Variants in IFT43 observed in about 807,000 individuals in gnomAD.
IFT43 encodes the protein intraflagellar transport 43.
IFT43 carries 33 observed loss-of-function variants against 32.3 expected under a neutral mutation model. The ratio of observed to expected loss-of-function variants is 1.02; its 90% CI spans 0.77 to 1.37. The LOEUF is 1.37. IFT43 is among the 40% of genes most tolerant of loss of function. The pLI, the probability that IFT43 is intolerant of heterozygous loss-of-function variation, is 0.00. For synonymous variants in IFT43, 93 were observed against 98.2 expected (o/e 0.95, Z 0.31); for missense variants, 274 against 265.9 (o/e 1.03, Z -0.21).
intron 3 of IFT43, among the ~76,000 whole-genome samples, chr14:76,056,694 C>A (rs938497680): frequency 2.8e-4 from 43 of 152,138 alleles, no homozygotes; most frequent in African/African-American, 1.0e-3. Flanking sequence ...GCACATCTAC[C>A]CTTGGTGACA....
intron 5 of IFT43, among the ~76,000 whole-genome samples, chr14:76,072,783 T>TGC (rs2037344688): frequency 6.6e-6 from 1 of 152,152 alleles, no homozygotes; most frequent in African/African-American, 2.4e-5. Flanking sequence ...AGATCAGGGT[T>TGC]TGTATGCTGT....
chr14:75,999,265 ATATATATGTATATATATT>A (rs1163656258), intron 2 of IFT43, among the ~76,000 whole-genome samples: 52 of 23,726 alleles, frequency 2.2e-3, no homozygotes, highest in African/African-American at 8.3e-3. Context: ...ATATATATAT[ATATATATGTATATATATT>A]TTTTTTTTTT....
intron 5 of IFT43, among the ~76,000 whole-genome samples, chr14:76,074,572 C>T (rs1380792496): frequency 2.6e-5 from 4 of 152,222 alleles, no homozygotes; most frequent in African/African-American, 7.2e-5. Flanking sequence ...CTCAGGCCTG[C>T]AAGGCTGAGT....
intron 2 of IFT43, among the ~76,000 whole-genome samples, chr14:76,001,931 C>T (rs2035893863): frequency 6.6e-6 from 1 of 152,202 alleles, no homozygotes; most frequent in Admixed American, 6.5e-5. Context: ...CAGAAGCTCT[C>T]ATGGCTTAAC....
At chr14:75,994,151 TA>T (rs746274501) in intron 2 of IFT43, among the ~76,000 whole-genome samples, 94 of 151,776 alleles carry the variant, frequency 6.2e-4, no homozygotes, top group African/African-American at 1.2e-3. Context: ...TATTTTAGCT[TA>T]AAAAAAATGT....
chr14:76,051,226 A>G (rs1229622596), intron 3 of IFT43, among the ~76,000 whole-genome samples: 1 of 147,760 alleles, frequency 6.8e-6, no homozygotes, highest in Non-Finnish European at 1.5e-5. Flanking sequence ...AGCGGCATAT[A>G]CTAGATGCTA....
At chr14:76,083,839 C>A, downstream of IFT43, 1 of 613,996 alleles carries the variant, frequency 1.6e-6, no homozygotes, top group Non-Finnish European at 3.0e-6. Flanking sequence ...AACTCGCGGC[C>A]TTGTTGCGGA....
At chr14:76,057,444 T>C (rs2037040389) in intron 3 of IFT43, among the ~76,000 whole-genome samples, 1 of 152,100 alleles carries the variant, frequency 6.6e-6, no homozygotes, top group South Asian at 2.1e-4. Context: ...TTGGACGGGC[T>C]GGTCTCAAAC....
chr14:76,058,478 C>A, intron 3 of IFT43, 164 bp from the exon 4 acceptor site: 2 of 695,134 alleles, frequency 2.9e-6, no homozygotes, highest in Non-Finnish European at 2.4e-6. Context: ...ATCTTCAGTT[C>A]TCTCATGCTG....
chr14:75,988,359 C>A (rs1261917606), intron 1 of IFT43, among the ~76,000 whole-genome samples: 1 of 152,160 alleles, frequency 6.6e-6, no homozygotes, highest in East Asian at 1.9e-4. Flanking sequence ...GAGAACCTGT[C>A]TTAATTTCCT....
At chr14:76,002,939 T>C (rs1286484423) in intron 2 of IFT43, among the ~76,000 whole-genome samples, 1 of 152,222 alleles carries the variant, frequency 6.6e-6, no homozygotes, top group Non-Finnish European at 1.5e-5. Context: ...GCTGTGAATA[T>C]AGAATATCTA....
chr14:76,033,450 C>T (rs1346601885), intron 3 of IFT43, among the ~76,000 whole-genome samples: 1 of 152,122 alleles, frequency 6.6e-6, no homozygotes, highest in Admixed American at 6.5e-5. Flanking sequence ...CTTGGAAAGG[C>T]TGGGTAAGTT....
Position 76,040,223 on chromosome 14 carries a change from T to C in IFT43, c.215+17829T>C, listed in dbSNP as rs2036681707. On this transcript the variant is annotated intron_variant, in intron 3 of 8. Transcript: ENST00000314067. ...CTTTGGCCTCTCAAAGTACTGGGAT[T>C]ACAGGTGTGAGTCACTGTGCCTGGC... is the stretch of plus-strand genomic sequence containing the variant. Among the ~76,000 whole-genome samples, 3 of 152,218 alleles carry C rather than the reference T, an allele frequency of 2.0e-5. No homozygotes were observed. In the South Asian group the frequency reaches 6.2e-4, roughly 32 times the overall value.
chr14:76,054,454 T>G (rs546362947), intron 3 of IFT43, among the ~76,000 whole-genome samples: 4 of 152,198 alleles, frequency 2.6e-5, no homozygotes, highest in Non-Finnish European at 5.9e-5. Flanking sequence ...TTGGGAGACA[T>G]GGATTCTAGT....
intron 5 of IFT43, among the ~76,000 whole-genome samples, chr14:76,075,475 T>G (rs943158917): frequency 5.9e-5 from 9 of 152,224 alleles, no homozygotes; most frequent in African/African-American, 2.2e-4. Context: ...TTCTTTTCCC[T>G]TTTAAAAAAT....
At chr14:76,083,847 G>A (rs147543203), downstream of IFT43, 631 of 591,196 alleles carry the variant, frequency 1.1e-3, 3 homozygotes, top group African/African-American at 0.01. Context: ...GCCTTGTTGC[G>A]GAGCATGTGG....
At chr14:76,045,283 T>C (rs921193626) in intron 3 of IFT43, among the ~76,000 whole-genome samples, 2 of 152,228 alleles carry the variant, frequency 1.3e-5, no homozygotes, top group Non-Finnish European at 2.9e-5. Flanking sequence ...ATACTGGCAA[T>C]GTGTCTCATT....
chr14:76,083,459 A>T lies in IFT43; in HGVS notation c.509A>T (p.Asp170Val). ...ACCCAGCGAAACCCTTCTTGGCAGG[A>T]TGATGTCGGCTGGGACTGGGACCAT... Reference protein sequence around the residue: ...VLAPEHEVREDDVGWDWDHLF... With the variant: ...VLAPEHEVREVDVGWDWDHLF... Residue 170 changes from aspartate (D) to valine (V), a missense_variant and splice_region_variant, in exon 9 of 9, where the codon GAT becomes GTT. Transcript: ENST00000314067. 1.2e-6 allele frequency: 2 copies of T among 1,614,144 alleles called. No homozygotes were observed. The highest frequency in any genetic ancestry group is 1.7e-6 in the Non-Finnish European group (2 of 1,180,048).
chr14:76,014,812 A>G (rs1450681748), intron 2 of IFT43, among the ~76,000 whole-genome samples: 1 of 152,076 alleles, frequency 6.6e-6, no homozygotes, highest in Non-Finnish European at 1.5e-5. Flanking sequence ...ATTTTGGTGG[A>G]AGTGCCCCAT....
Sources: gnomAD v4.1 joint callset for allele counts (sites outside exome capture counted in the v4.1 genomes callset) on GRCh38, gnomAD v4.1.1 for gene constraint, MANE v1.5 for transcripts, NCBI Gene and HGNC (gene_info 2026-07-23, HGNC 2026-07-21) for gene names.